MGAT4C: variants seen among roughly 807,000 people sequenced by gnomAD.
The protein encoded by MGAT4C is MGAT4 family member C, also known as alpha-1,3-mannosyl-glycoprotein 4-beta-N-acetylglucosaminyltransferase C.
In MGAT4C, 19 loss-of-function variants were observed where a neutral mutation model predicts 40.1. That is an observed-to-expected ratio of 0.47 (90% CI 0.33 to 0.70). The LOEUF (loss-of-function observed/expected upper bound fraction) is 0.70, where lower values mean the gene tolerates loss of function less well. Ranked by LOEUF, MGAT4C falls within the 30% of genes least tolerant of loss-of-function variation. The probability of loss-of-function intolerance (pLI) is 0.02; values close to 1 mark genes in which losing one functional copy is unlikely to be tolerated. For synonymous variants in MGAT4C, 181 were observed against 187.1 expected (o/e 0.97, Z 0.27); for missense variants, 491 against 563.2 (o/e 0.87, Z 1.30).
intron 1 of MGAT4C, among the ~76,000 whole-genome samples, chr12:86,731,321 C>A (rs189630281): frequency 7.3e-4 from 111 of 152,172 alleles, no homozygotes; most frequent in African/African-American, 2.6e-3. Context: ...CCCTTGCCTT[C>A]TGCCCAATCC....
In MGAT4C at chr12:85,979,601, T is replaced by TGTTGAAG; in HGVS notation, c.1118_1124dup (p.Gly376PhefsTer11). 1 of 1,610,140 alleles carries TGTTGAAG rather than the reference T, an allele frequency of 6.2e-7. No individual in the cohort carries two copies. Among genetic ancestry groups the TGTTGAAG allele is most frequent in the Non-Finnish European group, 8.5e-7 (1 of 1,178,836 alleles). ...CAAATACAATCACAAAAACATCTCC[T>TGTTGAAG]GTTGAAGGTGGTTTCCCCCAAAAGT... is the stretch of plus-strand genomic sequence containing the variant. On this transcript the variant is annotated frameshift_variant, in exon 5 of 5. Coordinates refer to ENST00000611864, the MANE Select transcript of MGAT4C (RefSeq NM_001351288.2). LOFTEE classifies it high-confidence loss of function.
At chr12:86,838,068 GCAAT>G (rs1356552587) in intron 1 of MGAT4C, among the ~76,000 whole-genome samples, 7 of 152,228 alleles carry the variant, frequency 4.6e-5, no homozygotes, top group Non-Finnish European at 8.8e-5. Context: ...TGAAACTGTA[GCAAT>G]CAATTTTAGT....
intron 2 of MGAT4C, among the ~76,000 whole-genome samples, chr12:86,023,989 T>A: frequency 6.6e-6 from 1 of 151,950 alleles, no homozygotes; most frequent in South Asian, 2.1e-4. Flanking sequence ...AATGTTCTTA[T>A]ATGTTTAATA....
At chr12:86,514,421 CAT>C (rs1321531882) in intron 2 of MGAT4C, among the ~76,000 whole-genome samples, 3 of 152,132 alleles carry the variant, frequency 2.0e-5, no homozygotes, top group African/African-American at 7.2e-5. Context: ...AAATTGGTCT[CAT>C]TGGCTAAAAT....
At chr12:86,508,911 T>C (rs1200440508) in intron 2 of MGAT4C, among the ~76,000 whole-genome samples, 1 of 150,846 alleles carries the variant, frequency 6.6e-6, no homozygotes, top group Non-Finnish European at 1.5e-5. Context: ...GGGTTGTTTG[T>C]TTTTTTCTTG....
intron 4 of MGAT4C, among the ~76,000 whole-genome samples, chr12:86,273,923 T>TA (rs35884823): frequency 6.6e-6 from 1 of 152,126 alleles, no homozygotes; most frequent in African/African-American, 2.4e-5. Context: ...GGCATTGCTA[T>TA]AAAAAAATAC....
At chr12:86,354,859 AAG>A (rs1955271055) in intron 3 of MGAT4C, among the ~76,000 whole-genome samples, 1 of 152,326 alleles carries the variant, frequency 6.6e-6, no homozygotes, top group African/African-American at 2.4e-5. Context: ...ACAGCTCTTA[AAG>A]ATGGCAAAGA....
intron 1 of MGAT4C, among the ~76,000 whole-genome samples, chr12:86,742,228 T>C (rs1951079669): frequency 6.6e-6 from 1 of 151,528 alleles, no homozygotes; most frequent in Non-Finnish European, 1.5e-5. Context: ...TAAAACCAAC[T>C]GAGAATAAAT....
intron 1 of MGAT4C, among the ~76,000 whole-genome samples, chr12:86,058,938 A>G (rs1471997142): frequency 6.6e-6 from 1 of 152,226 alleles, no homozygotes; most frequent in East Asian, 1.9e-4. Flanking sequence ...ATTTAGGAAT[A>G]TAAGTAGATT....
chr12:86,651,816 T>G (rs907075004), intron 2 of MGAT4C, among the ~76,000 whole-genome samples: 1 of 151,842 alleles, frequency 6.6e-6, no homozygotes, highest in African/African-American at 2.4e-5. Flanking sequence ...TGAAACAGGA[T>G]GTTAAAACAG....
At chr12:86,219,440 C>T (rs962646538) in intron 1 of MGAT4C, among the ~76,000 whole-genome samples, 8 of 152,168 alleles carry the variant, frequency 5.3e-5, no homozygotes, top group Non-Finnish European at 8.8e-5. Flanking sequence ...ATAAAAACGT[C>T]AGATGGTACA....
At chr12:86,824,578 T>C (rs1187923305) in intron 1 of MGAT4C, among the ~76,000 whole-genome samples, 2 of 151,032 alleles carry the variant, frequency 1.3e-5, no homozygotes, top group Non-Finnish European at 3.0e-5. Flanking sequence ...GGAACTACTG[T>C]AATCCAAAAA....
intron 1 of MGAT4C, among the ~76,000 whole-genome samples, chr12:86,742,382 C>T (rs1215050929): frequency 6.6e-6 from 1 of 151,414 alleles, no homozygotes; most frequent in Non-Finnish European, 1.5e-5. Flanking sequence ...CTTGCTTTAA[C>T]CATTAAAGAA....
chr12:86,730,854 A>G (rs1369122650), intron 1 of MGAT4C, among the ~76,000 whole-genome samples: 1 of 152,118 alleles, frequency 6.6e-6, no homozygotes, highest in African/African-American at 2.4e-5. Context: ...AACCGCTATT[A>G]ACAACTATTG....
chr12:86,820,232 A>G (rs967363988), intron 1 of MGAT4C, among the ~76,000 whole-genome samples: 1 of 150,840 alleles, frequency 6.6e-6, no homozygotes, highest in Non-Finnish European at 1.5e-5. Flanking sequence ...TTTATAACAT[A>G]GAACACAAAA....
At chr12:86,805,963 G>A (rs1217167077) in intron 1 of MGAT4C, among the ~76,000 whole-genome samples, 1 of 151,776 alleles carries the variant, frequency 6.6e-6, no homozygotes, top group African/African-American at 2.4e-5. Flanking sequence ...ATTCTCTGAT[G>A]ATTTAGTGAT....
At chr12:86,688,561 C>A (rs955464522) in intron 2 of MGAT4C, among the ~76,000 whole-genome samples, 6 of 152,106 alleles carry the variant, frequency 3.9e-5, no homozygotes, top group African/African-American at 1.4e-4. Context: ...AATCCCTCAG[C>A]AGTTGCTTGT....
chr12:86,543,492 GT>G (rs1156663157), intron 2 of MGAT4C, among the ~76,000 whole-genome samples: 1 of 151,634 alleles, frequency 6.6e-6, no homozygotes, highest in Non-Finnish European at 1.5e-5. Context: ...ATCTTTGAGG[GT>G]TTTTTTAAAT....
intron 2 of MGAT4C, among the ~76,000 whole-genome samples, chr12:86,460,598 A>G (rs1434539975): frequency 2.6e-5 from 4 of 152,086 alleles, no homozygotes; most frequent in Non-Finnish European, 5.9e-5. Context: ...AAATTGCAGG[A>G]TAGCATGTGT....
Sources: gnomAD v4.1 joint callset for allele counts (sites outside exome capture counted in the v4.1 genomes callset) on GRCh38, gnomAD v4.1.1 for gene constraint, MANE v1.5 for transcripts, NCBI Gene and HGNC (gene_info 2026-07-23, HGNC 2026-07-21) for gene names.